Variants in PAG1 observed in about 807,000 individuals in gnomAD.
The protein encoded by PAG1 is phosphoprotein associated with glycosphingolipid-enriched microdomains 1.
A neutral mutation model predicts 31.7 loss-of-function variants in PAG1; 23 were observed. That is an observed-to-expected ratio of 0.73 (90% CI 0.52 to 1.03). The LOEUF (loss-of-function observed/expected upper bound fraction) is 1.03. Ranked by LOEUF, PAG1 falls within the 50% of genes least tolerant of loss-of-function variation. The pLI is 0.00. For missense variants in PAG1, 473 were observed against 540.7 expected, an observed-to-expected ratio of 0.87 and a Z score of 1.24; for synonymous variants, 214 against 210.3, an observed-to-expected ratio of 1.02 and a Z score of -0.15.
chr8:81,021,520 G>GCA (rs1300628003), intron 3 of PAG1, among the ~76,000 whole-genome samples: 13 of 23,418 alleles, frequency 5.6e-4, no homozygotes, highest in Non-Finnish European at 9.0e-4. Context: ...GTGTGTGCAT[G>GCA]TGTGTGTGTG....
At position 81,061,235 on chromosome 8, in the gene PAG1, C is replaced by T. The variant is rs1808912531; in HGVS notation, c.-175+8877G>A. On this transcript the variant is annotated intron_variant, in intron 2 of 8. Transcript: ENST00000220597. ...TAAATAACAGTACTAAAAAAGGAAGCTACAACATGCTATTACTCAGGTCTA... is the reference window on the plus strand; with the variant it reads ...TAAATAACAGTACTAAAAAAGGAAGTTACAACATGCTATTACTCAGGTCTA... 2.0e-5 allele frequency among the ~76,000 whole-genome samples: 3 copies of T among 152,142 alleles called. No homozygotes were observed. The South Asian group carries it at 6.2e-4, about 32-fold the overall frequency.
intron 1 of PAG1, among the ~76,000 whole-genome samples, chr8:81,073,429 A>G (rs1586203148): frequency 6.6e-6 from 1 of 152,142 alleles, no homozygotes; most frequent in East Asian, 1.9e-4. Context: ...CTGATCCCCA[A>G]AGGGCCTGGT....
intron 2 of PAG1, among the ~76,000 whole-genome samples, chr8:81,055,524 T>C (rs1434371432): frequency 2.6e-5 from 4 of 152,108 alleles, no homozygotes; most frequent in Admixed American, 1.3e-4. Flanking sequence ...GGGGATGGCA[T>C]TGAATCTATA....
chr8:81,083,862 C>G (rs1809308330), intron 1 of PAG1, among the ~76,000 whole-genome samples: 1 of 151,878 alleles, frequency 6.6e-6, no homozygotes, highest in Non-Finnish European at 1.5e-5. Context: ...TGGTGAAACC[C>G]CATCTCTACT....
intron 3 of PAG1, among the ~76,000 whole-genome samples, chr8:81,023,402 T>A (rs1563632939): frequency 6.6e-6 from 1 of 152,200 alleles, no homozygotes; most frequent in Non-Finnish European, 1.5e-5. Flanking sequence ...ATAAAAGTTT[T>A]CATTCATGAA....
intron 2 of PAG1, among the ~76,000 whole-genome samples, chr8:81,060,178 G>C (rs996866454): frequency 6.6e-6 from 1 of 152,140 alleles, no homozygotes; most frequent in East Asian, 1.9e-4. Context: ...TAAGAAGGCA[G>C]GGTTACTCAT....
At chr8:81,061,094 ACT>A (rs2130923683) in intron 2 of PAG1, among the ~76,000 whole-genome samples, 1 of 152,290 alleles carries the variant, frequency 6.6e-6, no homozygotes, top group South Asian at 2.1e-4. Context: ...AAATCTAGTA[ACT>A]CTATTCCCAG....
intron 2 of PAG1, among the ~76,000 whole-genome samples, chr8:81,059,274 CTTT>C (rs34306813): frequency 6.8e-6 from 1 of 146,732 alleles, no homozygotes; most frequent in Non-Finnish European, 1.5e-5. Flanking sequence ...GGCAAACATT[CTTT>C]TTTTTTTTTT....
chr8:81,108,584 C>A (rs928096857), intron 1 of PAG1, among the ~76,000 whole-genome samples: 2 of 151,762 alleles, frequency 1.3e-5, no homozygotes, highest in Non-Finnish European at 2.9e-5. Flanking sequence ...GTGCCCTATA[C>A]GGCAATTAGA....
At position 80,990,123 on chromosome 8, in the gene PAG1, T is replaced by C. The variant is rs1807510509; in HGVS notation, c.177+1356A>G. 6.6e-6 allele frequency among the ~76,000 whole-genome samples: 1 copy of C among 150,698 alleles called. No homozygotes were observed. Among genetic ancestry groups the C allele is most frequent in the Non-Finnish European group, 1.5e-5 (1 of 67,714 alleles). On this transcript the variant is annotated intron_variant, in intron 5 of 8. Transcript: ENST00000220597. This position sits in a 1 kb window ranked among gnomAD's most constrained non-coding sequence, Gnocchi z 5.1. ...GAACAGATGAGAAGTGGCGACAATG[T>C]GGACAACCAGGGATGGGAACAGGGC...
At chr8:80,992,028 T>C (rs372364063) in intron 4 of PAG1, among the ~76,000 whole-genome samples, 2 of 151,882 alleles carry the variant, frequency 1.3e-5, no homozygotes, top group African/African-American at 4.8e-5. Context: ...CAAGTAAAAA[T>C]AGAATTTGTT....
At chr8:81,013,643 G>C (rs1312554124) in intron 3 of PAG1, among the ~76,000 whole-genome samples, 2 of 152,196 alleles carry the variant, frequency 1.3e-5, no homozygotes, top group Non-Finnish European at 2.9e-5. Context: ...GCAGTGGCGT[G>C]ATCTCGGCTC....
intron 1 of PAG1, among the ~76,000 whole-genome samples, chr8:81,088,676 A>T (rs1049611116): frequency 1.3e-5 from 2 of 152,254 alleles, no homozygotes; most frequent in Admixed American, 1.3e-4. Flanking sequence ...ATTTAATACT[A>T]GCAAACAAAT....
At chr8:81,002,786 C>T (rs1807809704) in intron 3 of PAG1, among the ~76,000 whole-genome samples, 1 of 152,170 alleles carries the variant, frequency 6.6e-6, no homozygotes, top group Admixed American at 6.5e-5. Context: ...AACCAAAATC[C>T]TCAAAACACA....
At chr8:81,046,253 A>G (rs1261485364) in intron 2 of PAG1, among the ~76,000 whole-genome samples, 1 of 152,220 alleles carries the variant, frequency 6.6e-6, no homozygotes, top group Non-Finnish European at 1.5e-5. Context: ...CAGGCAAAAG[A>G]ATGCATCTCT....
intron 3 of PAG1, among the ~76,000 whole-genome samples, chr8:80,995,005 C>T (rs889795264): frequency 5.9e-5 from 9 of 152,196 alleles, no homozygotes; most frequent in African/African-American, 9.7e-5. Flanking sequence ...GACATCAAGA[C>T]GGCAGGGGTG....
intron 2 of PAG1, among the ~76,000 whole-genome samples, chr8:81,043,034 ACTTT>A (rs1251835052): frequency 2.0e-5 from 3 of 152,068 alleles, no homozygotes; most frequent in South Asian, 2.1e-4. Context: ...TAAAATACAT[ACTTT>A]CTGTCTTTTT....
chr8:80,985,604 T>C (rs1169924148), intron 6 of PAG1, among the ~76,000 whole-genome samples: 1 of 152,258 alleles, frequency 6.6e-6, no homozygotes, highest in Non-Finnish European at 1.5e-5. Context: ...TAAGTTATCT[T>C]GGCTCTAAGT....
At chr8:81,030,305 T>C (rs1808358246) in intron 2 of PAG1, among the ~76,000 whole-genome samples, 1 of 152,230 alleles carries the variant, frequency 6.6e-6, no homozygotes, top group Non-Finnish European at 1.5e-5. Flanking sequence ...GAAAACTTCC[T>C]ATCTCCCCAT....
Sources: allele counts gnomAD v4.1 joint callset (sites outside exome capture counted in the v4.1 genomes callset), GRCh38; gene constraint gnomAD v4.1.1; non-coding constraint Gnocchi (gnomAD v3.1); transcripts MANE v1.5; gene names NCBI Gene and HGNC (gene_info 2026-07-23, HGNC 2026-07-21).